Variants in CHST15 observed in about 807,000 individuals in gnomAD.
CHST15 encodes the protein carbohydrate sulfotransferase 15, also known as B cell RAG associated protein (GALNAC4S-6ST).
A neutral mutation model predicts 53.6 loss-of-function variants in CHST15; 30 were observed. That is an observed-to-expected ratio of 0.56 (90% CI 0.42 to 0.76). The LOEUF is 0.76. Among genes scored for constraint, CHST15 ranks in the 30% least tolerant of loss-of-function variants. The pLI, the probability that CHST15 is intolerant of heterozygous loss-of-function variation, is 0.00. For missense variants in CHST15, 627 were observed against 740.5 expected, an observed-to-expected ratio of 0.85 and a Z score of 1.78; for synonymous variants, 296 against 289.8, an observed-to-expected ratio of 1.02 and a Z score of -0.22.
chr10:124,043,226 C>T (rs1021527780), intron 3 of CHST15, among the ~76,000 whole-genome samples: 10 of 152,216 alleles, frequency 6.6e-5, no homozygotes, highest in Non-Finnish European at 1.0e-4. Flanking sequence ...AGGCCCGCCT[C>T]TGTTCTTCCT....
intron 1 of CHST15, among the ~76,000 whole-genome samples, chr10:124,056,437 CT>C (rs1948383078): frequency 6.6e-6 from 1 of 152,216 alleles, no homozygotes; most frequent in Admixed American, 6.5e-5. Flanking sequence ...TCAGGCTTGT[CT>C]CCTGCAGCCA....
chr10:124,034,763 G>T (rs113194706), intron 5 of CHST15, among the ~76,000 whole-genome samples: 2 of 46,226 alleles, frequency 4.3e-5, no homozygotes, highest in African/African-American at 2.2e-4. Context: ...TAACAGGGAC[G>T]CCGGCTCCAC....
chr10:124,084,951 G>A (rs1381605802), intron 1 of CHST15, among the ~76,000 whole-genome samples: 1 of 152,202 alleles, frequency 6.6e-6, no homozygotes, highest in African/African-American at 2.4e-5. Flanking sequence ...TCAGAAGTGT[G>A]TGGAGAGAAA....
chr10:124,065,620 G>A (rs1482675828), intron 1 of CHST15, among the ~76,000 whole-genome samples: 1 of 152,096 alleles, frequency 6.6e-6, no homozygotes, highest in African/African-American at 2.4e-5. Flanking sequence ...GCTGGGAGCA[G>A]ACACAAGGGT....
chr10:124,047,182 G>C (rs994559322), intron 1 of CHST15, among the ~76,000 whole-genome samples: 1 of 152,176 alleles, frequency 6.6e-6, no homozygotes, highest in African/African-American at 2.4e-5. Context: ...GGTTAGAAAG[G>C]GAGCAGGCAG....
chr10:124,055,176 T>G (rs187394818), intron 1 of CHST15, among the ~76,000 whole-genome samples: 1 of 152,340 alleles, frequency 6.6e-6, no homozygotes, highest in East Asian at 1.9e-4. Flanking sequence ...AAATGGATTG[T>G]TCTTTGTCTA....
chr10:124,050,097 TACC>T (rs1409000656), intron 1 of CHST15, among the ~76,000 whole-genome samples: 1 of 152,158 alleles, frequency 6.6e-6, no homozygotes, highest in African/African-American at 2.4e-5. Context: ...TACAAGTTTT[TACC>T]AAAATCGATA....
At chr10:124,072,928 G>A (rs1187410302) in intron 1 of CHST15, among the ~76,000 whole-genome samples, 3 of 152,158 alleles carry the variant, frequency 2.0e-5, no homozygotes, top group African/African-American at 4.8e-5. Context: ...TTGGGAACTT[G>A]GGCAGAGGAC....
intron 1 of CHST15, among the ~76,000 whole-genome samples, chr10:124,059,618 G>A (rs1030124805): frequency 5.3e-5 from 8 of 152,076 alleles, no homozygotes; most frequent in Non-Finnish European, 7.3e-5. Context: ...AGAGGAGAAA[G>A]GTCTCGCATG....
At position 124,080,159 on chromosome 10, in the gene CHST15, G is replaced by A. The variant is rs75268769; in HGVS notation, c.-513+13310C>T. On this transcript the variant is annotated intron_variant, in intron 1 of 7. Transcript: ENST00000435907. ...GGACAGGTGTTCTTCACCCAGAGAC[G>A]GGACGGGGAGAAGGCAGAGCTGCAA... Among the ~76,000 whole-genome samples, 493 of 152,332 alleles carry A rather than the reference G, an allele frequency of 3.2e-3. 5 individuals carry two copies. Among genetic ancestry groups the A allele is most frequent in the South Asian group, 0.015 (71 of 4,826 alleles).
chr10:124,084,116 C>T (rs1433252803), intron 1 of CHST15, among the ~76,000 whole-genome samples: 1 of 152,204 alleles, frequency 6.6e-6, no homozygotes, highest in Non-Finnish European at 1.5e-5. Context: ...CTCTGCTGCC[C>T]CAAGGAGTCC....
At chr10:124,044,950 A>G in intron 2 of CHST15, 31 bp from the exon 3 acceptor site, 1 of 1,391,908 alleles carries the variant, frequency 7.2e-7, no homozygotes, top group Non-Finnish European at 9.4e-7. Flanking sequence ...AGAGACACAG[A>G]GGAGGGGAAA....
At chr10:124,050,741 G>A (rs1394364996) in intron 1 of CHST15, among the ~76,000 whole-genome samples, 3 of 152,188 alleles carry the variant, frequency 2.0e-5, no homozygotes, top group Admixed American at 6.5e-5. Flanking sequence ...GTCACGTGGA[G>A]ACCAGGGGAA....
Position 124,044,733 on chromosome 10 carries a change from C to T in CHST15, c.733G>A (p.Gly245Arg), listed in dbSNP as rs878912191. 6.2e-7 allele frequency: 1 copy of T among 1,613,388 alleles called. No homozygotes were observed. The highest frequency in any genetic ancestry group is 8.5e-7 in the Non-Finnish European group (1 of 1,179,752). Residue 245 changes from glycine (G) to arginine (R), a missense_variant, in exon 3 of 8, where the codon GGG becomes AGG. Physicochemically the swap from Gly to Arg is moderately radical, Grantham distance 125 (BLOSUM62 -2). This residue lies in a region of CHST15 where 161 missense variants were observed against 117.2 expected (regional missense o/e 1.37). Transcript: ENST00000435907. ...AGGCAGCGCAGGCGGAAGTGCTTCC[C>T]GTGCGCGTGCGCCAGGTGGCCCCAG... Reference protein sequence around the residue: ...AFWGHLAHAHGKHFRLRCLPH... With the variant: ...AFWGHLAHAHRKHFRLRCLPH...
intron 1 of CHST15, among the ~76,000 whole-genome samples, chr10:124,092,077 C>A (rs1949618379): frequency 6.6e-6 from 1 of 151,526 alleles, no homozygotes; most frequent in Non-Finnish European, 1.5e-5. Context: ...CACGGCTCTT[C>A]ATTCATTTTC....
intron 1 of CHST15, among the ~76,000 whole-genome samples, chr10:124,063,199 A>G (rs1041333129): frequency 1.3e-5 from 2 of 152,172 alleles, no homozygotes; most frequent in Non-Finnish European, 2.9e-5. Flanking sequence ...CCTGACCAAC[A>G]TGGTGAAACC....
chr10:124,084,240 C>T (rs1590373216), intron 1 of CHST15, among the ~76,000 whole-genome samples: 1 of 152,278 alleles, frequency 6.6e-6, no homozygotes, highest in Non-Finnish European at 1.5e-5. Context: ...ACCTGCCTCT[C>T]GGGGAGTCAC....
intron 1 of CHST15, among the ~76,000 whole-genome samples, chr10:124,076,530 C>G (rs1295410573): frequency 6.6e-6 from 1 of 152,160 alleles, no homozygotes; most frequent in Non-Finnish European, 1.5e-5. Flanking sequence ...AGCCCGTGCC[C>G]CCGGGGAGTT....
chr10:124,028,761 C>T (rs983539659), intron 5 of CHST15, among the ~76,000 whole-genome samples: 2 of 152,238 alleles, frequency 1.3e-5, no homozygotes, highest in African/African-American at 2.4e-5. Context: ...TACTGCTCCA[C>T]GTATGGGACT....
Sources: allele counts gnomAD v4.1 joint callset (sites outside exome capture counted in the v4.1 genomes callset), GRCh38; gene constraint gnomAD v4.1.1; regional missense constraint gnomAD v4.1.1; transcripts MANE v1.5; gene names NCBI Gene and HGNC (gene_info 2026-07-23, HGNC 2026-07-21).